Variants in CRPPA observed in about 807,000 individuals in gnomAD.
CRPPA encodes the protein CDP-L-ribitol pyrophosphorylase A.
Under a neutral mutation model 52.0 loss-of-function variants are expected in CRPPA, and 43 were observed. That is an observed-to-expected ratio of 0.83 (90% CI 0.65 to 1.07). The LOEUF is 1.07. CRPPA is among the 50% of genes least tolerant of loss of function. CRPPA has a pLI of 0.00. For synonymous variants in CRPPA, 250 were observed against 203.5 expected (o/e 1.23, Z -1.94); for missense variants, 629 against 551.7 (o/e 1.14, Z -1.40).
intron 3 of CRPPA, among the ~76,000 whole-genome samples, chr7:16,329,312 C>T (rs189388082): frequency 1.2e-3 from 190 of 152,304 alleles, no homozygotes; most frequent in African/African-American, 4.4e-3. Context: ...AAATGAAAGG[C>T]TGCCCCTTGA....
intron 2 of CRPPA, among the ~76,000 whole-genome samples, chr7:16,387,653 C>T (rs1323365655): frequency 1.3e-5 from 2 of 151,980 alleles, no homozygotes; most frequent in African/African-American, 4.8e-5. Flanking sequence ...GTCCAAAATA[C>T]AAGCAAATAT....
intron 4 of CRPPA, among the ~76,000 whole-genome samples, chr7:16,307,634 C>G (rs1784940103): frequency 1.4e-5 from 2 of 141,562 alleles, no homozygotes; most frequent in South Asian, 4.5e-4. Context: ...GAGACTGCAC[C>G]ATTGCCCTCC....
intron 9 of CRPPA, among the ~76,000 whole-genome samples, chr7:16,113,959 A>G (rs1426033985): frequency 6.6e-6 from 1 of 152,020 alleles, no homozygotes; most frequent in Non-Finnish European, 1.5e-5. Context: ...ATAAATAAGT[A>G]ACATCTAAAT....
intron 8 of CRPPA, among the ~76,000 whole-genome samples, chr7:16,233,739 T>A (rs1054896945): frequency 6.6e-6 from 1 of 152,150 alleles, no homozygotes; most frequent in African/African-American, 2.4e-5. Flanking sequence ...AATGCACATT[T>A]GAAGAAGCAG....
At chr7:16,092,856 A>G (rs888952254) in intron 9 of CRPPA, among the ~76,000 whole-genome samples, 11 of 152,164 alleles carry the variant, frequency 7.2e-5, no homozygotes, top group African/African-American at 2.7e-4. Flanking sequence ...TCAATTCTCC[A>G]AGCCACATAG....
chr7:16,201,898 C>T (rs1224326945), intron 9 of CRPPA, among the ~76,000 whole-genome samples: 1 of 152,180 alleles, frequency 6.6e-6, no homozygotes, highest in Non-Finnish European at 1.5e-5. Flanking sequence ...CTAGTTAAAG[C>T]ACCCAGTACC....
intron 9 of CRPPA, among the ~76,000 whole-genome samples, chr7:16,139,733 G>T (rs146633920): frequency 8.5e-5 from 13 of 152,062 alleles, no homozygotes; most frequent in African/African-American, 2.9e-4. Flanking sequence ...GATCAATAAA[G>T]GAAGAAAGGA....
intron 3 of CRPPA, among the ~76,000 whole-genome samples, chr7:16,337,502 A>G (rs1335454021): frequency 6.6e-6 from 1 of 152,108 alleles, no homozygotes. Flanking sequence ...CATCTATATC[A>G]AGGTAGATCA....
intron 6 of CRPPA, 61 bp from the exon 7 acceptor site, chr7:16,259,073 T>G: frequency 4.2e-6 from 5 of 1,196,172 alleles, no homozygotes; most frequent in Non-Finnish European, 6.0e-6. Flanking sequence ...AACATCTTTG[T>G]TACAAAGGAA....
chr7:16,173,715 T>G (rs567670076), intron 9 of CRPPA, among the ~76,000 whole-genome samples: 1 of 152,252 alleles, frequency 6.6e-6, no homozygotes, highest in African/African-American at 2.4e-5. Context: ...TAACAAAGTA[T>G]TCATTGATCC....
At chr7:16,351,240 A>C (rs928891584) in intron 3 of CRPPA, among the ~76,000 whole-genome samples, 6 of 152,158 alleles carry the variant, frequency 3.9e-5, no homozygotes, top group Admixed American at 2.0e-4. Context: ...CCTTCTTTAA[A>C]CCTTACACAA....
At chr7:16,181,140 T>C (rs923363955) in intron 9 of CRPPA, among the ~76,000 whole-genome samples, 1 of 151,982 alleles carries the variant, frequency 6.6e-6, no homozygotes, top group Non-Finnish European at 1.5e-5. Context: ...AAATTCTAAT[T>C]TTAATTCTAT....
intron 9 of CRPPA, among the ~76,000 whole-genome samples, chr7:16,121,800 A>G (rs1782485580): frequency 6.6e-6 from 1 of 152,142 alleles, no homozygotes; most frequent in African/African-American, 2.4e-5. Context: ...TTGCTAAAGC[A>G]AAGGCAAAAA....
At chr7:16,147,448 A>C (rs575565187) in intron 9 of CRPPA, among the ~76,000 whole-genome samples, 15 of 152,320 alleles carry the variant, frequency 9.8e-5, no homozygotes, top group Admixed American at 2.0e-4. Flanking sequence ...AGTTTAACTT[A>C]TCAGTCACAA....
intron 9 of CRPPA, among the ~76,000 whole-genome samples, chr7:16,212,388 C>G (rs995195232): frequency 6.6e-6 from 1 of 152,166 alleles, no homozygotes; most frequent in African/African-American, 2.4e-5. Flanking sequence ...AAACGATACA[C>G]ACTCCTTACC....
At chr7:16,237,990 C>T (rs564721575) in intron 8 of CRPPA, among the ~76,000 whole-genome samples, 5 of 152,242 alleles carry the variant, frequency 3.3e-5, no homozygotes, top group Admixed American at 1.3e-4. Flanking sequence ...TCAAGCACAC[C>T]TAGCTAAATT....
At chr7:16,281,878 C>T (rs1159927632) in intron 5 of CRPPA, among the ~76,000 whole-genome samples, 5 of 152,086 alleles carry the variant, frequency 3.3e-5, no homozygotes, top group Admixed American at 6.5e-5. Context: ...TAACGTTGTT[C>T]GTAACATCTT....
At chr7:16,408,984 C>G (rs1051881772) in intron 1 of CRPPA, among the ~76,000 whole-genome samples, 1 of 152,166 alleles carries the variant, frequency 6.6e-6, no homozygotes, top group Non-Finnish European at 1.5e-5. Flanking sequence ...TCACTGCAAC[C>G]TCTGACTCCC....
At chr7:16,326,061 CA>C (rs5882567) in intron 3 of CRPPA, among the ~76,000 whole-genome samples, 26,610 of 135,520 alleles carry the variant, frequency 0.2, 2,442 homozygotes, top group East Asian at 0.32. Flanking sequence ...AAGAAAATCT[CA>C]AAAAAAAAAA....
Sources: gnomAD v4.1 joint callset for allele counts (sites outside exome capture counted in the v4.1 genomes callset) on GRCh38, gnomAD v4.1.1 for gene constraint, MANE v1.5 for transcripts, NCBI Gene and HGNC (gene_info 2026-07-23, HGNC 2026-07-21) for gene names.